GRM5: variants seen among roughly 807,000 people sequenced by gnomAD.
GRM5 encodes the protein glutamate metabotropic receptor 5.
Under a neutral mutation model 83.1 loss-of-function variants are expected in GRM5, and 19 were observed. The ratio of observed to expected loss-of-function variants is 0.23; its 90% CI spans 0.16 to 0.34. The LOEUF (loss-of-function observed/expected upper bound fraction) is 0.34, where lower values mean the gene tolerates loss of function less well. GRM5 is among the 10% of genes least tolerant of loss of function. GRM5 has a pLI of 1.00. For missense variants in GRM5, 1,160 were observed against 1,588.3 expected, an observed-to-expected ratio of 0.73 and a Z score of 4.58; for synonymous variants, 675 against 633.6, an observed-to-expected ratio of 1.07 and a Z score of -0.98.
At chr11:88,820,345 AGCCTGG>A (rs151332505) in intron 3 of GRM5, among the ~76,000 whole-genome samples, 3,319 of 135,468 alleles carry the variant, frequency 0.025, 141 homozygotes, top group African/African-American at 0.092. Flanking sequence ...ACAGCACTCC[AGCCTGG>A]GCAACAGAGC....
At chr11:89,003,094 T>TA (rs1252994211) in intron 2 of GRM5, among the ~76,000 whole-genome samples, 1 of 152,144 alleles carries the variant, frequency 6.6e-6, no homozygotes, top group Non-Finnish European at 1.5e-5. Context: ...TGGAAGAACT[T>TA]ACGTTTTTCT....
intron 8 of GRM5, among the ~76,000 whole-genome samples, chr11:88,548,490 C>T (rs911347746): frequency 1.3e-5 from 2 of 152,200 alleles, no homozygotes; most frequent in African/African-American, 2.4e-5. Context: ...ATTCATTATG[C>T]GAAGGGAGTG....
chr11:88,523,559 A>G (rs1171431762), intron 9 of GRM5, among the ~76,000 whole-genome samples: 1 of 152,202 alleles, frequency 6.6e-6, no homozygotes, highest in Non-Finnish European at 1.5e-5. Flanking sequence ...ATGCACTGAG[A>G]TCCAAAGATA....
rs61904089 is a variant in GRM5, at chr11:88,720,098, G to T, written c.912-66695C>A. ...CTCTTCCCTAAAATATAAAAGTCCCGTGAAGACAGAACCTGGCATTTAGGA... is the reference window on the plus strand; with the variant it reads ...CTCTTCCCTAAAATATAAAAGTCCCTTGAAGACAGAACCTGGCATTTAGGA... On this transcript the variant is annotated intron_variant, in intron 3 of 9. Transcript: ENST00000305447. 2.6e-5 allele frequency among the ~76,000 whole-genome samples: 4 copies of T among 151,980 alleles called. No homozygotes were observed. In the South Asian group the frequency reaches 8.3e-4, roughly 32 times the overall value.
intron 2 of GRM5, among the ~76,000 whole-genome samples, chr11:88,877,590 A>G (rs1353633591): frequency 6.6e-6 from 1 of 151,998 alleles, no homozygotes; most frequent in African/African-American, 2.4e-5. Flanking sequence ...AAGCAGATGT[A>G]TGGATGTATG....
Position 89,003,120 on chromosome 11 carries a change from T to C in GRM5, c.661+44092A>G, listed in dbSNP as rs116357628. ...ACGTTTTTCTTGGTTTGCTATGCTT[T>C]CTACAAACACTTGCTTACTATTTAT... On this transcript the variant is annotated intron_variant, in intron 2 of 9. Coordinates refer to ENST00000305447, the MANE Select transcript of GRM5 (RefSeq NM_001143831.3). 8.0e-3 allele frequency among the ~76,000 whole-genome samples: 1,214 copies of C among 152,302 alleles called. 17 individuals carry two copies. Among genetic ancestry groups the C allele is most frequent in the African/African-American group, 0.028 (1,160 of 41,566 alleles).
intron 2 of GRM5, among the ~76,000 whole-genome samples, chr11:89,040,370 A>T (rs1941501193): frequency 1.3e-5 from 2 of 152,150 alleles, no homozygotes; most frequent in South Asian, 4.1e-4. Flanking sequence ...AAAACAAAAC[A>T]AAAACGCTTC....
Position 88,508,796 on chromosome 11 carries a change from C to T in GRM5, c.3435G>A (p.Ala1145=). The T allele has an allele frequency of 6.8e-7, 1 of 1,468,740 alleles. No homozygotes were observed. Among genetic ancestry groups the T allele is most frequent in the South Asian group, 1.4e-5 (1 of 71,702 alleles). 91.0% of individuals were successfully genotyped at this position (1,468,740 alleles called of 1,614,324 possible). A position where few individuals can be genotyped will look rare whatever the true frequency, so the allele number is the denominator to read the frequency against. ...TGGCGGCCGCAGCCTCGGGACCGGC[C>T]GCGGGGCTCTCCCGGGCCGCGTCCC... The part of the protein sequence containing the change: ...AAGDAARESP[A]AGPEAAAAKP... The change falls in exon 10 of 10, where the codon GCG becomes GCA. Residue 1145 remains alanine (A), a synonymous_variant. Transcript: ENST00000305447. This position sits in a 1 kb window ranked among gnomAD's most constrained non-coding sequence, Gnocchi z 4.2.
intron 3 of GRM5, among the ~76,000 whole-genome samples, chr11:88,806,253 A>C (rs1159833581): frequency 6.6e-6 from 1 of 152,216 alleles, no homozygotes; most frequent in African/African-American, 2.4e-5. Flanking sequence ...GGAGAGCAAG[A>C]AAATGTCTGT....
rs575373645 is a variant in GRM5, at chr11:88,908,540, G to A, written c.662-58385C>T. On this transcript the variant is annotated intron_variant, in intron 2 of 9. Coordinates refer to ENST00000305447, the MANE Select transcript of GRM5 (RefSeq NM_001143831.3). ...ACTATCTTTCCACAAGCTTAAAAATGACTGCTCAAAGCATAAAAATAAGAG... is the reference window on the plus strand; with the variant it reads ...ACTATCTTTCCACAAGCTTAAAAATAACTGCTCAAAGCATAAAAATAAGAG... Among the ~76,000 whole-genome samples the A allele has an allele frequency of 2.0e-5, 3 of 152,022 alleles. 1 individual carries two copies. Among genetic ancestry groups the A allele is most frequent in the Non-Finnish European group, 1.5e-5 (1 of 68,008 alleles).
intron 8 of GRM5, among the ~76,000 whole-genome samples, chr11:88,530,295 C>T (rs2135115957): frequency 6.6e-6 from 1 of 152,070 alleles, no homozygotes; most frequent in Admixed American, 6.6e-5. Flanking sequence ...TTCTTATAAA[C>T]TATGGATTTC....
chr11:88,628,176 C>T (rs890849893), intron 4 of GRM5, among the ~76,000 whole-genome samples: 1 of 152,180 alleles, frequency 6.6e-6, no homozygotes, highest in Non-Finnish European at 1.5e-5. Context: ...CATGCATTCT[C>T]TACTTCTCTA....
chr11:88,532,802 GTAAC>G (rs2135119581), intron 8 of GRM5, among the ~76,000 whole-genome samples: 1 of 152,260 alleles, frequency 6.6e-6, no homozygotes, highest in African/African-American at 2.4e-5. Flanking sequence ...ACAGAAAGTG[GTAAC>G]TAATGTACAG....
intron 3 of GRM5, among the ~76,000 whole-genome samples, chr11:88,797,284 G>T (rs1431234660): frequency 6.6e-6 from 1 of 152,016 alleles, no homozygotes. Flanking sequence ...CAAGTAGCTG[G>T]GTTTACAGGC....
intron 2 of GRM5, among the ~76,000 whole-genome samples, chr11:88,931,472 TAAGG>T (rs1937703353): frequency 1.3e-5 from 2 of 151,098 alleles, no homozygotes; most frequent in South Asian, 4.2e-4. Flanking sequence ...TTAGAGAGAT[TAAGG>T]AAGGTGCAAA....
intron 2 of GRM5, among the ~76,000 whole-genome samples, chr11:89,039,638 C>G (rs555737743): frequency 1.5e-4 from 23 of 152,316 alleles, no homozygotes; most frequent in African/African-American, 5.5e-4. Context: ...TAGCTCTTTT[C>G]CACCTGAATT....
chr11:88,633,707 G>T (rs1939043286), intron 4 of GRM5, among the ~76,000 whole-genome samples: 1 of 152,094 alleles, frequency 6.6e-6, no homozygotes, highest in Non-Finnish European at 1.5e-5. Context: ...AAAGAGGCAG[G>T]GGGTAGTTTC....
At chr11:88,818,583 T>G (rs1310062757) in intron 3 of GRM5, among the ~76,000 whole-genome samples, 1 of 152,140 alleles carries the variant, frequency 6.6e-6, no homozygotes, top group Non-Finnish European at 1.5e-5. Flanking sequence ...TAAACACTTA[T>G]TACATAGAAA....
chr11:88,867,386 C>G (rs891021276), intron 2 of GRM5, among the ~76,000 whole-genome samples: 3 of 151,746 alleles, frequency 2.0e-5, no homozygotes, highest in Non-Finnish European at 2.9e-5. Flanking sequence ...TGAGAAACAA[C>G]AGTAACTTGA....
Sources: allele counts gnomAD v4.1 joint callset (sites outside exome capture counted in the v4.1 genomes callset), GRCh38; gene constraint gnomAD v4.1.1; non-coding constraint Gnocchi (gnomAD v3.1); transcripts MANE v1.5; gene names NCBI Gene and HGNC (gene_info 2026-07-23, HGNC 2026-07-21).